The following MYH11 variants were observed in gnomAD, a reference collection of about 807,000 sequenced individuals.
MYH11 encodes myosin heavy chain 11, also known as myosin-11.
MYH11 carries 80 observed loss-of-function variants against 246.6 expected under a neutral mutation model. The observed-to-expected ratio is 0.32, with a 90% confidence interval of 0.27 to 0.39. The LOEUF (loss-of-function observed/expected upper bound fraction) is 0.39, where lower values mean the gene tolerates loss of function less well. Ranked by LOEUF, MYH11 falls within the 10% of genes least tolerant of loss-of-function variation. MYH11 has a pLI of 1.00. For missense variants in MYH11, 2,158 were observed against 2,546.8 expected (o/e 0.85, Z 3.29); for synonymous variants, 1,071 against 1,015.5 (o/e 1.05, Z -1.04).
At chr16:15,810,298 G>A (rs752902549) in intron 3 of MYH11, among the ~76,000 whole-genome samples, 3 of 152,030 alleles carry the variant, frequency 2.0e-5, no homozygotes, top group Non-Finnish European at 4.4e-5. Flanking sequence ...GCCTCCCAAA[G>A]TGCTGAGATT....
intron 14 of MYH11, among the ~76,000 whole-genome samples, chr16:15,754,367 C>T (rs1045200946): frequency 2.0e-5 from 3 of 152,082 alleles, no homozygotes; most frequent in Admixed American, 6.6e-5. Flanking sequence ...AATGACAATG[C>T]CCAAAGCCGT....
At chr16:15,851,390 G>A (rs1334848972) in intron 1 of MYH11, among the ~76,000 whole-genome samples, 5 of 152,068 alleles carry the variant, frequency 3.3e-5, no homozygotes, top group Non-Finnish European at 7.4e-5. Context: ...TCTCCTAAGC[G>A]CTCTGTAAGG....
chr16:15,801,794 T>A (rs1050786298), intron 3 of MYH11, among the ~76,000 whole-genome samples: 4 of 151,968 alleles, frequency 2.6e-5, no homozygotes, highest in Non-Finnish European at 2.9e-5. Flanking sequence ...CTGTCTCTAC[T>A]AAAAATACAA....
At chr16:15,835,663 T>C (rs2043870961) in intron 2 of MYH11, among the ~76,000 whole-genome samples, 2 of 152,044 alleles carry the variant, frequency 1.3e-5, no homozygotes, top group African/African-American at 4.8e-5. Context: ...CACTTAACAT[T>C]TTCAGTGCCT....
Position 15,741,588 on chromosome 16 carries a change from G to A in MYH11, c.2734C>T (p.Arg912Trp), listed in dbSNP as rs918714049. 9 of 1,612,322 alleles carry A rather than the reference G, an allele frequency of 5.6e-6. No homozygotes were observed. Among genetic ancestry groups the A allele is most frequent in the Admixed American group, 1.7e-5 (1 of 60,008 alleles). The stretch of plus-strand genomic sequence containing the variant: ...AGCTCCTGCTTCTTGGCCGCCAGCC[G>A]CACCCGCATCTCCTCAGCCTCTGCA... The part of the protein sequence containing the change: ...LYAEAEEMRV[R>W]LAAKKQELEE... Residue 912 changes from arginine (R) to tryptophan (W), a missense_variant, in exon 22 of 41, where the codon CGG becomes TGG. Around this residue, in one of 11 missense-constraint regions of MYH11, gnomAD observed 284 missense variants for 315.4 expected, o/e 0.90. Transcript: ENST00000300036.
At chr16:15,786,226 AG>A in intron 5 of MYH11, 1 of 365,182 alleles carries the variant, frequency 2.7e-6, no homozygotes, top group South Asian at 2.2e-5. Context: ...ACTGGAGGGA[AG>A]GGGGCTGTCG....
rs373587584 is a variant in MYH11 at position 15,741,695 on chromosome 16, C to G, written c.2653-26G>C. ...CTGCACGCAGGTGGTGGGGAGGAGGCGGGTGAGCCCCACGGGGCCAAGTCC... is the reference window on the plus strand; with the variant it reads ...CTGCACGCAGGTGGTGGGGAGGAGGGGGGTGAGCCCCACGGGGCCAAGTCC... On this transcript the variant is annotated intron_variant, in intron 21 of 40. Coordinates refer to ENST00000300036, the MANE Select transcript of MYH11 (RefSeq NM_002474.3). 19 of 1,613,800 alleles carry G rather than the reference C, an allele frequency of 1.2e-5. No homozygotes were observed. In the African/African-American group the frequency reaches 1.3e-4, roughly 11 times the overall value.
chr16:15,796,294 G>A (rs1261256961), intron 4 of MYH11, among the ~76,000 whole-genome samples: 4 of 152,116 alleles, frequency 2.6e-5, no homozygotes, highest in Non-Finnish European at 5.9e-5. Flanking sequence ...AGTTCTTTTG[G>A]ATAGCACCGT....
intron 4 of MYH11, among the ~76,000 whole-genome samples, chr16:15,796,093 C>G (rs1225500985): frequency 6.6e-6 from 1 of 152,016 alleles, no homozygotes; most frequent in Non-Finnish European, 1.5e-5. Flanking sequence ...GTGACGGGAC[C>G]CTGAACTAGG....
chr16:15,838,899 T>C (rs989237249), intron 1 of MYH11, among the ~76,000 whole-genome samples: 31 of 147,846 alleles, frequency 2.1e-4, no homozygotes, highest in African/African-American at 6.5e-4. Flanking sequence ...GAAGTAAGTG[T>C]ACACGTGCTA....
At chr16:15,712,177 G>C (rs1004906915) in intron 40 of MYH11, among the ~76,000 whole-genome samples, 1 of 152,180 alleles carries the variant, frequency 6.6e-6, no homozygotes, top group South Asian at 2.1e-4. Flanking sequence ...GTCAGGACTT[G>C]GGGTGCAGCA....
chr16:15,745,067 G>A, intron 20 of MYH11, 62 bp downstream of exon 20: 3 of 1,262,784 alleles, frequency 2.4e-6, no homozygotes, highest in South Asian at 2.4e-5. Flanking sequence ...AAATGTGAAG[G>A]CTCCAGAGTG....
At chr16:15,819,904 T>A (rs1011667326) in intron 3 of MYH11, among the ~76,000 whole-genome samples, 1 of 152,062 alleles carries the variant, frequency 6.6e-6, no homozygotes, top group African/African-American at 2.4e-5. Flanking sequence ...CACCGAAACC[T>A]CCTTCTCCGA....
Position 15,747,877 on chromosome 16 carries a change from G to A in MYH11, c.2247C>T (p.Leu749=), listed in dbSNP as rs1268486209. Residue 749 remains leucine (L), a synonymous_variant, in exon 18 of 41, where the codon CTC becomes CTT. Transcript: ENST00000300036. ...GFMDGKQACI[L]MIKALELDPN... ...TCTGGTGGACTTCTGGGCTCACCAT[G>A]AGAATGCAGGCCTGCTTCCCGTCCA... 6.2e-7 allele frequency: 1 copy of A among 1,613,798 alleles called. No homozygotes were observed. The highest frequency in any genetic ancestry group is 8.5e-7 in the Non-Finnish European group (1 of 1,180,034).
chr16:15,757,777 C>A (rs2041767782), intron 13 of MYH11, 50 bp downstream of exon 13: 1 of 1,613,182 alleles, frequency 6.2e-7, no homozygotes, highest in African/African-American at 1.3e-5. Flanking sequence ...ACAGAGGCCA[C>A]ACACGTGTAC....
At chr16:15,738,491 C>A (rs2041185124) in intron 24 of MYH11, 74 bp downstream of exon 24, 1 of 1,425,074 alleles carries the variant, frequency 7.0e-7, no homozygotes, top group African/African-American at 1.4e-5. Flanking sequence ...GCAGCCTGGG[C>A]AACAGAGCAA....
rs941277397 is a variant in MYH11 at position 15,749,805 on chromosome 16, G to A, written c.2058+333C>T. ...GCTGAAGATGCCTGCACCAGATTAT[G>A]AGAAACCCACAGGGAAGGGCTACAA... On this transcript the variant is annotated intron_variant, in intron 16 of 40. Transcript: ENST00000300036. The A allele has an allele frequency of 8.8e-6, 4 of 456,608 alleles. No homozygotes were observed. In the South Asian group the frequency reaches 1.3e-4, roughly 15 times the overall value. The allele number at this position is 456,608 out of a possible 1,614,324, so 28.3% of individuals were successfully genotyped here.
chr16:15,821,412 A>G (rs2043406856), intron 3 of MYH11, among the ~76,000 whole-genome samples: 1 of 152,242 alleles, frequency 6.6e-6, no homozygotes, highest in Non-Finnish European at 1.5e-5. Flanking sequence ...CATAGGTGCC[A>G]GCAAGTTCTC....
intron 3 of MYH11, among the ~76,000 whole-genome samples, chr16:15,816,938 A>G (rs993985044): frequency 6.6e-6 from 1 of 152,232 alleles, no homozygotes; most frequent in Non-Finnish European, 1.5e-5. Flanking sequence ...AAAAAAGGGA[A>G]CAAGGAATTC....
Sources: gnomAD v4.1 joint callset for allele counts (sites outside exome capture counted in the v4.1 genomes callset) on GRCh38, gnomAD v4.1.1 for gene constraint, gnomAD v4.1.1 regional missense constraint, MANE v1.5 for transcripts, NCBI Gene and HGNC (gene_info 2026-07-23, HGNC 2026-07-21) for gene names.